The following IGDCC4 variants were observed in gnomAD, a reference collection of about 807,000 sequenced individuals.
The protein encoded by IGDCC4 is immunoglobulin superfamily DCC subclass member 4, also known as likely ortholog of mouse neighbor of Punc E11.
IGDCC4 carries 72 observed loss-of-function variants against 116.6 expected under a neutral mutation model. That is an observed-to-expected ratio of 0.62 (90% confidence interval 0.51 to 0.75). The LOEUF (loss-of-function observed/expected upper bound fraction) is 0.75. Among genes scored for constraint, IGDCC4 ranks in the 30% least tolerant of loss-of-function variants. The probability of loss-of-function intolerance (pLI) is 0.00; values close to 1 mark genes in which losing one functional copy is unlikely to be tolerated. For synonymous variants in IGDCC4, 709 were observed against 719.9 expected (o/e 0.98, Z 0.24); for missense variants, 1,501 against 1,662.4 (o/e 0.90, Z 1.69).
At chr15:65,397,083 A>C (rs1595783404) in intron 5 of IGDCC4, 94 bp from the exon 6 acceptor site, 6 of 1,435,468 alleles carry the variant, frequency 4.2e-6, no homozygotes, top group Non-Finnish European at 4.7e-6. Context: ...ACCCGGATAA[A>C]GCAAACACAA....
chr15:65,390,762 G>T (rs937095463), intron 12 of IGDCC4, among the ~76,000 whole-genome samples: 4 of 152,162 alleles, frequency 2.6e-5, no homozygotes, highest in Admixed American at 2.6e-4. Context: ...TTTAAAAATA[G>T]ATAGGAAATT....
intron 8 of IGDCC4, 127 bp from the exon 9 acceptor site, chr15:65,394,675 G>C: frequency 4.2e-6 from 4 of 944,916 alleles, no homozygotes; most frequent in Non-Finnish European, 6.1e-6. Flanking sequence ...ATCTGAGGGA[G>C]GAAAGGGAGC....
At chr15:65,390,557 A>T (rs2091505101) in intron 12 of IGDCC4, among the ~76,000 whole-genome samples, 1 of 152,174 alleles carries the variant, frequency 6.6e-6, no homozygotes, top group South Asian at 2.1e-4. Flanking sequence ...ATAAAGAGAG[A>T]GGCAGCAAAT....
chr15:65,384,763 G>C lies in IGDCC4; in HGVS notation c.3342+191C>G, dbSNP rs574401297. ...AGAGGAGGGGCTGTTTTCAACCCAGGTTGAAACAGGTTCCTGCAAACTGGC... is the reference window on the plus strand; with the variant it reads ...AGAGGAGGGGCTGTTTTCAACCCAGCTTGAAACAGGTTCCTGCAAACTGGC... On this transcript the variant is annotated intron_variant, in intron 19 of 19. Coordinates refer to ENST00000352385, the MANE Select transcript of IGDCC4 (RefSeq NM_020962.3). The surrounding 1 kb of genome is among the most constrained non-coding windows in gnomAD (Gnocchi z 4.9). 1 of 713,700 alleles carries C rather than the reference G, an allele frequency of 1.4e-6. No homozygotes were observed. The highest frequency in any genetic ancestry group is 3.0e-5 in the East Asian group (1 of 33,692). 44.2% of individuals were successfully genotyped at this position (713,700 alleles called of 1,614,324 possible).
chr15:65,417,227 A>ACC (rs1203885661), intron 1 of IGDCC4, among the ~76,000 whole-genome samples: 1 of 151,658 alleles, frequency 6.6e-6, no homozygotes, highest in African/African-American at 2.4e-5. Context: ...AACCTTGGCC[A>ACC]CCTCCCTTAC....
intron 6 of IGDCC4, 58 bp from the exon 7 acceptor site, chr15:65,396,221 C>CA: frequency 1.0e-6 from 1 of 958,798 alleles, no homozygotes; most frequent in Non-Finnish European, 1.3e-6. Context: ...TCTCTGCCCC[C>CA]CCCCCAGTAC....
Position 65,410,982 on chromosome 15 carries a change from G to A in IGDCC4, c.421+38C>T, listed in dbSNP as rs759723248. 46 of 1,540,144 alleles carry A rather than the reference G, an allele frequency of 3.0e-5. 1 individual carries two copies. Among genetic ancestry groups the A allele is most frequent in the South Asian group, 4.9e-5 (4 of 80,950 alleles). The stretch of plus-strand genomic sequence containing the variant: ...CCCACTTCGCACACCCCAAGTCTGG[G>A]TTTCAGCCTCAGACCCCCGCCCGAT... On this transcript the variant is annotated intron_variant, in intron 2 of 19. Transcript: ENST00000352385.
intron 3 of IGDCC4, among the ~76,000 whole-genome samples, chr15:65,406,986 T>C (rs532570784): frequency 6.6e-6 from 1 of 152,114 alleles, no homozygotes; most frequent in East Asian, 1.9e-4. Context: ...ATTAATTTTT[T>C]AAAAAATTAA....
chr15:65,401,365 T>C (rs1329848022), intron 4 of IGDCC4, among the ~76,000 whole-genome samples: 1 of 152,204 alleles, frequency 6.6e-6, no homozygotes, highest in African/African-American at 2.4e-5. Context: ...GGCCTTGGAT[T>C]TCCCAGTGGA....
At position 65,393,593 on chromosome 15, in the gene IGDCC4, C is replaced by G. The variant is rs1210496142; in HGVS notation, c.1715-62G>C. On this transcript the variant is annotated intron_variant, in intron 9 of 19. Transcript: ENST00000352385. The surrounding 1 kb of genome is among the most constrained non-coding windows in gnomAD (Gnocchi z 4.6). ...CCTGAGGAACAGGATCCTAAACCCC[C>G]CTACATGGCTCTTCCGCCTCACATC... 3.3e-6 allele frequency: 5 copies of G among 1,497,076 alleles called. No individual in the cohort carries two copies. In the Admixed American group the frequency reaches 5.9e-5, roughly 18 times the overall value. 92.7% of individuals were successfully genotyped at this position (1,497,076 alleles called of 1,614,324 possible).
At chr15:65,399,346 A>T (rs2062961087) in intron 5 of IGDCC4, among the ~76,000 whole-genome samples, 2 of 150,926 alleles carry the variant, frequency 1.3e-5, no homozygotes, top group South Asian at 4.2e-4. Context: ...CTGTAGTCCC[A>T]GCTACTCAGA....
At chr15:65,389,209 T>C (rs963117298) in intron 14 of IGDCC4, 75 bp downstream of exon 14, 4 of 1,575,962 alleles carry the variant, frequency 2.5e-6, no homozygotes, top group Non-Finnish European at 3.4e-6. Flanking sequence ...GGTTCTGAAG[T>C]ATGTTTCTTG....
chr15:65,389,511 C>T, intron 13 of IGDCC4, 100 bp from the exon 14 acceptor site: 1 of 1,531,844 alleles, frequency 6.5e-7, no homozygotes, highest in Non-Finnish European at 9.0e-7. Context: ...CAGCCCCAGG[C>T]TCTACCCTGG....
intron 2 of IGDCC4, 107 bp from the exon 3 acceptor site, chr15:65,410,426 T>C: frequency 7.3e-7 from 1 of 1,363,110 alleles, no homozygotes; most frequent in Non-Finnish European, 1.0e-6. Flanking sequence ...AAACACACAG[T>C]CACAGAAACA....
rs1048417937 is a variant in IGDCC4 at position 65,412,383 on chromosome 15, G to A, written c.71-1013C>T. ...AAAAATTAGCCAGGCGTGGTGGCAC[G>A]CACCTGTAATCTCAGCTACTCAGGA... On this transcript the variant is annotated intron_variant, in intron 1 of 19. Transcript: ENST00000352385. 2.6e-5 allele frequency among the ~76,000 whole-genome samples: 4 copies of A among 151,426 alleles called. No individual in the cohort carries two copies. In the East Asian group the frequency reaches 7.8e-4, roughly 29 times the overall value.
chr15:65,404,896 C>A (rs1267194829), intron 3 of IGDCC4, among the ~76,000 whole-genome samples: 2 of 151,988 alleles, frequency 1.3e-5, no homozygotes, highest in Non-Finnish European at 2.9e-5. Flanking sequence ...ACAAAAAATA[C>A]AAAAATTAGC....
At chr15:65,394,570 A>G (rs12437686) in intron 8 of IGDCC4, 22 bp from the exon 9 acceptor site, 292,823 of 1,576,898 alleles carry the variant, frequency 0.19, 28,366 homozygotes, top group Admixed American at 0.33. Flanking sequence ...GAACATCAGC[A>G]TGAGCTCTGC....
intron 1 of IGDCC4, among the ~76,000 whole-genome samples, chr15:65,414,724 C>T (rs2063127308): frequency 6.6e-6 from 1 of 152,184 alleles, no homozygotes; most frequent in South Asian, 2.1e-4. Flanking sequence ...TCACTGCAAC[C>T]TCCACCTCCT....
intron 1 of IGDCC4, among the ~76,000 whole-genome samples, chr15:65,415,671 A>G (rs1426251827): frequency 6.6e-6 from 1 of 152,190 alleles, no homozygotes; most frequent in African/African-American, 2.4e-5. Context: ...TGTGGAAGAC[A>G]GTCTGGGAAA....
Sources: gnomAD v4.1 joint callset for allele counts (sites outside exome capture counted in the v4.1 genomes callset) on GRCh38, gnomAD v4.1.1 for gene constraint, Gnocchi (gnomAD v3.1) non-coding constraint, MANE v1.5 for transcripts, NCBI Gene and HGNC (gene_info 2026-07-23, HGNC 2026-07-21) for gene names.